The following KCNG3 variants were observed in gnomAD, a reference collection of about 807,000 sequenced individuals.
The protein encoded by KCNG3 is voltage-gated potassium channel regulatory subunit KCNG3.
In KCNG3, 15 loss-of-function variants were observed where a neutral mutation model predicts 29.0. That is an observed-to-expected ratio of 0.52 (90% CI 0.35 to 0.80). KCNG3 has a LOEUF of 0.80. Ranked by LOEUF, KCNG3 falls within the 30% of genes least tolerant of loss-of-function variation. The probability of loss-of-function intolerance (pLI) is 0.01; values close to 1 mark genes in which losing one functional copy is unlikely to be tolerated. For missense variants in KCNG3, 512 were observed against 605.7 expected, an observed-to-expected ratio of 0.85 and a Z score of 1.62; for synonymous variants, 322 against 248.9, an observed-to-expected ratio of 1.29 and a Z score of -2.76.
chr2:42,416,242 C>G, the KCNG3 span, among the ~76,000 whole-genome samples: 1 of 152,086 alleles, frequency 6.6e-6, no homozygotes, highest in African/African-American at 2.4e-5. Flanking sequence ...TACAAAGCTA[C>G]AGATAGGAGA....
intron 1 of KCNG3, among the ~76,000 whole-genome samples, chr2:42,481,872 T>C (rs192431983): frequency 6.9e-4 from 105 of 152,328 alleles, no homozygotes; most frequent in African/African-American, 2.3e-3. Flanking sequence ...CCTGTACTAA[T>C]CATGGCGCAC....
Position 42,493,589 on chromosome 2 carries a change from T to C in KCNG3, c.-88A>G. On this transcript the variant is annotated 5_prime_UTR_variant, in exon 1 of 2. Coordinates refer to ENST00000306078, the MANE Select transcript of KCNG3 (RefSeq NM_133329.6). ...CACGCGGGGCCTGCCTGCCCGTGGCTGACGGGGGAGCGCGCCGTCGGGGCC... is the reference window on the plus strand; with the variant it reads ...CACGCGGGGCCTGCCTGCCCGTGGCCGACGGGGGAGCGCGCCGTCGGGGCC... 8.5e-7 allele frequency: 1 copy of C among 1,181,390 alleles called. No homozygotes were observed. The highest frequency in any genetic ancestry group is 1.1e-6 in the Non-Finnish European group (1 of 941,728). The allele number at this position is 1,181,390 out of a possible 1,614,324, so 73.2% of individuals were successfully genotyped here. A position where few individuals can be genotyped will look rare whatever the true frequency, so the allele number is the denominator to read the frequency against.
the KCNG3 span, among the ~76,000 whole-genome samples, chr2:42,426,130 A>G: frequency 6.6e-6 from 1 of 152,194 alleles, no homozygotes; most frequent in Non-Finnish European, 1.5e-5. Context: ...CCAACCATAA[A>G]TTAATCAAAT....
chr2:42,422,515 T>C, the KCNG3 span, among the ~76,000 whole-genome samples: 2 of 152,230 alleles, frequency 1.3e-5, no homozygotes, highest in East Asian at 3.9e-4. Flanking sequence ...ACAATACTCC[T>C]AATCAGTACA....
chr2:42,458,913 A>C (rs752348443), intron 1 of KCNG3, among the ~76,000 whole-genome samples: 1 of 152,202 alleles, frequency 6.6e-6, no homozygotes, highest in Non-Finnish European at 1.5e-5. Context: ...TCAACATACA[A>C]GAGAAGACAG....
At chr2:42,445,105 A>G (rs970575066) in intron 1 of KCNG3, among the ~76,000 whole-genome samples, 7 of 151,854 alleles carry the variant, frequency 4.6e-5, no homozygotes, top group Admixed American at 1.3e-4. Context: ...TGAACTTGAT[A>G]AAGTTCTTAC....
chr2:42,439,032 G>C (rs964174569), downstream of KCNG3, among the ~76,000 whole-genome samples: 11 of 152,084 alleles, frequency 7.2e-5, no homozygotes, highest in Admixed American at 4.6e-4. Context: ...TTCTCAGCCT[G>C]GTTCTGAGAA....
the KCNG3 span, among the ~76,000 whole-genome samples, chr2:42,432,947 A>C: frequency 4.2e-5 from 6 of 141,294 alleles, no homozygotes; most frequent in African/African-American, 5.2e-5. Flanking sequence ...AAAAAAAAAA[A>C]ACAAAAAAAC....
chr2:42,493,099 G>C lies in KCNG3; in HGVS notation c.403C>G (p.Leu135Val). 6.3e-7 allele frequency: 1 copy of C among 1,583,180 alleles called. No individual in the cohort carries two copies. Among genetic ancestry groups the C allele is most frequent in the Non-Finnish European group, 8.6e-7 (1 of 1,169,286 alleles). ...CCGGGGCGCGCCTCGTCGCGGCCCA[G>C]CACGCCCGGCTCGTCGGCCGAGTAG... ...TFYSADEPGV[L>V]GRDEARPGGA... is the part of the protein sequence containing the mutation. The change falls in exon 1 of 2, where the codon CTG becomes GTG. Residue 135 changes from leucine to valine, a missense_variant. By Grantham distance (32) the Leu-to-Val change is conservative. Around this residue, in one of 5 missense-constraint regions of KCNG3, gnomAD observed 228 missense variants for 200.0 expected, o/e 1.14. Coordinates refer to ENST00000306078, the MANE Select transcript of KCNG3 (RefSeq NM_133329.6).
chr2:42,464,850 T>C (rs540204314), intron 1 of KCNG3, among the ~76,000 whole-genome samples: 7 of 152,148 alleles, frequency 4.6e-5, no homozygotes, highest in East Asian at 1.9e-4. Flanking sequence ...CGTGTAGTGG[T>C]TGTAAATTCA....
chr2:42,480,391 T>C (rs1488528014), intron 1 of KCNG3, among the ~76,000 whole-genome samples: 1 of 152,192 alleles, frequency 6.6e-6, no homozygotes. Context: ...AGTCCAGGCC[T>C]GGGTGGCACC....
chr2:42,429,585 G>A, the KCNG3 span, among the ~76,000 whole-genome samples: 2 of 152,180 alleles, frequency 1.3e-5, no homozygotes, highest in Non-Finnish European at 2.9e-5. Context: ...GGGCCAGGGT[G>A]TGACACTGCA....
the KCNG3 span, among the ~76,000 whole-genome samples, chr2:42,398,592 G>A: frequency 1.3e-5 from 2 of 152,154 alleles, no homozygotes; most frequent in African/African-American, 4.8e-5. Context: ...AAACGGCCCA[G>A]GAGCAAATAC....
chr2:42,389,343 T>G, the KCNG3 span, among the ~76,000 whole-genome samples: 1 of 152,252 alleles, frequency 6.6e-6, no homozygotes, highest in African/African-American at 2.4e-5. Context: ...ATGGCTATAC[T>G]ATTGTTCCTA....
chr2:42,426,916 GT>G, the KCNG3 span, among the ~76,000 whole-genome samples: 1 of 152,136 alleles, frequency 6.6e-6, no homozygotes, highest in African/African-American at 2.4e-5. Context: ...TCAAATGACA[GT>G]ATCAACCAAG....
chr2:42,477,382 T>TACACACACACACACACACACACAC (rs1328091998), intron 1 of KCNG3, among the ~76,000 whole-genome samples: 5 of 105,210 alleles, frequency 4.8e-5, no homozygotes, highest in East Asian at 6.8e-4. Flanking sequence ...TACACACACA[T>TACACACACACACACACACACACAC]ATATATACAC....
chr2:42,466,299 G>A (rs907230917), intron 1 of KCNG3, among the ~76,000 whole-genome samples: 5 of 152,066 alleles, frequency 3.3e-5, no homozygotes, highest in African/African-American at 7.2e-5. Flanking sequence ...CTAGCTACTC[G>A]GGAGGCTGAG....
chr2:42,479,771 G>A (rs138075781), intron 1 of KCNG3, among the ~76,000 whole-genome samples: 4,008 of 152,258 alleles, frequency 0.026, 156 homozygotes, highest in African/African-American at 0.091. Context: ...AGCACTTTGG[G>A]AGGCCAAGGC....
chr2:42,401,166 G>A, the KCNG3 span, among the ~76,000 whole-genome samples: 3 of 146,976 alleles, frequency 2.0e-5, no homozygotes, highest in East Asian at 2.0e-4. Context: ...TTTTCCTCTG[G>A]TGTATACATG....
Sources: allele counts gnomAD v4.1 joint callset (sites outside exome capture counted in the v4.1 genomes callset), GRCh38; gene constraint gnomAD v4.1.1; regional missense constraint gnomAD v4.1.1; transcripts MANE v1.5; gene names NCBI Gene and HGNC (gene_info 2026-07-23, HGNC 2026-07-21).